Variants in SENP6 observed in about 807,000 individuals in gnomAD.
The protein encoded by SENP6 is SUMO specific peptidase 6.
Under a neutral mutation model 134.5 loss-of-function variants are expected in SENP6, and 41 were observed. That is an observed-to-expected ratio of 0.30 (90% CI 0.24 to 0.40). SENP6 has a LOEUF of 0.40. SENP6 is among the 10% of genes least tolerant of loss of function. SENP6 has a pLI of 1.00. For synonymous variants in SENP6, 395 were observed against 429.8 expected (o/e 0.92, Z 1.00); for missense variants, 1,248 against 1,312.5 (o/e 0.95, Z 0.76).
At position 75,703,493 on chromosome 6, in the gene SENP6, G is replaced by A. The variant is rs1461387015; in HGVS notation, c.2716+421G>A. Among the ~76,000 whole-genome samples, 3 of 152,116 alleles carry A rather than the reference G, an allele frequency of 2.0e-5. No individual in the cohort carries two copies. The East Asian group carries it at 5.8e-4, about 29-fold the overall frequency. On this transcript the variant is annotated intron_variant, in intron 19 of 23. Coordinates refer to ENST00000447266, the MANE Select transcript of SENP6 (RefSeq NM_015571.4). ...TTGAGAACCTGATCAGGGCACAGTG[G>A]CTCACGACTGTAATCCTAGCACTTT...
At chr6:75,703,916 A>G (rs996414694) in intron 19 of SENP6, among the ~76,000 whole-genome samples, 1 of 152,134 alleles carries the variant, frequency 6.6e-6, no homozygotes, top group Admixed American at 6.6e-5. Context: ...ACTTGGATCT[A>G]TTTTTATTTC....
chr6:75,698,037 A>G (rs1192763751), intron 18 of SENP6: 2 of 152,472 alleles, frequency 1.3e-5, no homozygotes, highest in Middle Eastern at 3.4e-3. Flanking sequence ...GTAGTATTTT[A>G]CAATGGAGAC....
chr6:75,618,854 C>A (rs1424617123), intron 1 of SENP6, among the ~76,000 whole-genome samples: 1 of 151,998 alleles, frequency 6.6e-6, no homozygotes, highest in African/African-American at 2.4e-5. Context: ...GTTTTCAATC[C>A]CAGTATACAT....
intron 16 of SENP6, 43 bp from the exon 17 acceptor site, chr6:75,695,761 A>C (rs1254391219): frequency 1.4e-6 from 2 of 1,457,688 alleles, no homozygotes; most frequent in Non-Finnish European, 1.9e-6. Flanking sequence ...AAATAAAGTG[A>C]ACTGTTACAT....
intron 5 of SENP6, among the ~76,000 whole-genome samples, chr6:75,637,718 TATC>T (rs1481167331): frequency 6.6e-6 from 1 of 152,150 alleles, no homozygotes; most frequent in East Asian, 1.9e-4. Context: ...GAAGTCTTTT[TATC>T]ATCTTTATCT....
chr6:75,694,751 G>A (rs919516380), intron 16 of SENP6, among the ~76,000 whole-genome samples: 1 of 152,118 alleles, frequency 6.6e-6, no homozygotes, highest in Admixed American at 6.5e-5. Flanking sequence ...TTGTATAAAT[G>A]TAACACTTTA....
In SENP6 at chr6:75,663,820, G is replaced by T. The variant is rs866544207; in HGVS notation, c.994+302G>T. 1.2e-3 allele frequency among the ~76,000 whole-genome samples: 105 copies of T among 84,390 alleles called. 2 individuals are homozygous for T. Among genetic ancestry groups the T allele is most frequent in the East Asian group, 2.0e-3 (4 of 2,042 alleles). The allele number at this position is 84,390 out of a possible 152,430, so 55.4% of individuals were successfully genotyped here. A position where few individuals can be genotyped will look rare whatever the true frequency, so the allele number is the denominator to read the frequency against. On this transcript the variant is annotated intron_variant, in intron 9 of 23. Coordinates refer to ENST00000447266, the MANE Select transcript of SENP6 (RefSeq NM_015571.4). Reference sequence around the variant, plus strand: ...CTGCTGATAGTGGGTTTTTTTTTTTGTGGGGGGGGGGGTGCCTAAAATAAC... The same window carrying T: ...CTGCTGATAGTGGGTTTTTTTTTTTTTGGGGGGGGGGGTGCCTAAAATAAC...
intron 5 of SENP6, chr6:75,635,070 A>C: frequency 3.9e-6 from 2 of 515,340 alleles, no homozygotes; most frequent in Admixed American, 2.9e-5. Flanking sequence ...GATGATACTG[A>C]AACTGATTTA....
chr6:75,684,436 T>G (rs1433383298), intron 16 of SENP6, among the ~76,000 whole-genome samples: 1 of 152,194 alleles, frequency 6.6e-6, no homozygotes, highest in Admixed American at 6.5e-5. Context: ...AACACTATGT[T>G]GAATAGGAGT....
chr6:75,621,712 G>A, intron 2 of SENP6, 87 bp downstream of exon 2: 1 of 775,644 alleles, frequency 1.3e-6, no homozygotes, highest in East Asian at 2.7e-5. Flanking sequence ...AATATTTTTA[G>A]GAGTATGGTA....
Position 75,717,663 on chromosome 6 carries a change from T to C in SENP6, c.*2069T>C, listed in dbSNP as rs1776079083. The C allele has an allele frequency of 6.6e-6, 1 of 152,180 alleles. No homozygotes were observed. Among genetic ancestry groups the C allele is most frequent in the Non-Finnish European group, 1.5e-5 (1 of 67,994 alleles). 9.4% of individuals were successfully genotyped at this position (152,180 alleles called of 1,614,324 possible). On this transcript the variant is annotated 3_prime_UTR_variant, in exon 24 of 24. Transcript: ENST00000447266. ...TGCACATTCACTTGATAATTGTGTA[T>C]TCTATGTAGTTTAAAGTGGGATCAA...
At chr6:75,602,655 T>A in intron 1 of SENP6, 79 bp downstream of exon 1, 1 of 1,407,128 alleles carries the variant, frequency 7.1e-7, no homozygotes. Context: ...GGATATTCAG[T>A]TATCTGCGCT....
chr6:75,693,290 A>C (rs1562058171), intron 16 of SENP6, among the ~76,000 whole-genome samples: 1 of 151,886 alleles, frequency 6.6e-6, no homozygotes, highest in Non-Finnish European at 1.5e-5. Flanking sequence ...CTGCAGTCCT[A>C]GCTACTCAGG....
intron 1 of SENP6, among the ~76,000 whole-genome samples, chr6:75,608,691 C>T (rs563484779): frequency 2.0e-5 from 3 of 151,474 alleles, no homozygotes; most frequent in Non-Finnish European, 2.9e-5. Context: ...CTTAACTTCT[C>T]TGTTTTCTCA....
At chr6:75,656,119 G>A (rs545517115) in intron 7 of SENP6, among the ~76,000 whole-genome samples, 3 of 151,428 alleles carry the variant, frequency 2.0e-5, no homozygotes, top group African/African-American at 7.3e-5. Context: ...GGAGGCAGAG[G>A]CAGGAGAATT....
intron 6 of SENP6, among the ~76,000 whole-genome samples, chr6:75,641,521 A>G (rs1383354559): frequency 6.6e-6 from 1 of 152,194 alleles, no homozygotes; most frequent in Admixed American, 6.5e-5. Flanking sequence ...TCAGTCTTCT[A>G]TCATTATTTG....
chr6:75,654,160 G>A (rs1771132127), intron 7 of SENP6, among the ~76,000 whole-genome samples: 1 of 152,182 alleles, frequency 6.6e-6, no homozygotes, highest in Non-Finnish European at 1.5e-5. Flanking sequence ...TCAGGTGAAG[G>A]CTGCAGTGAG....
chr6:75,621,454 G>C (rs1768261988), intron 1 of SENP6, 78 bp from the exon 2 acceptor site: 1 of 862,344 alleles, frequency 1.2e-6, no homozygotes, highest in African/African-American at 1.8e-5. Flanking sequence ...TAATCAAAGA[G>C]CTTGGGAAAT....
chr6:75,712,747 T>G (rs191456889), intron 21 of SENP6, among the ~76,000 whole-genome samples: 317 of 152,128 alleles, frequency 2.1e-3, no homozygotes, highest in African/African-American at 7.1e-3. Context: ...AAAAAAAAAG[T>G]TCTAAACTAA....
Sources: allele counts gnomAD v4.1 joint callset (sites outside exome capture counted in the v4.1 genomes callset), GRCh38; gene constraint gnomAD v4.1.1; transcripts MANE v1.5; gene names NCBI Gene and HGNC (gene_info 2026-07-23, HGNC 2026-07-21).